CPNE8: variants seen among roughly 807,000 people sequenced by gnomAD.
The protein encoded by CPNE8 is copine-8.
CPNE8 carries 45 observed loss-of-function variants against 81.5 expected under a neutral mutation model. The observed-to-expected ratio is 0.55, with a 90% CI of 0.44 to 0.71. The LOEUF (loss-of-function observed/expected upper bound fraction) is 0.71, where lower values mean the gene tolerates loss of function less well. Ranked by LOEUF, CPNE8 falls within the 30% of genes least tolerant of loss-of-function variation. The pLI is 0.00. For synonymous variants in CPNE8, 252 were observed against 226.3 expected, an observed-to-expected ratio of 1.11 and a Z score of -1.02; for missense variants, 594 against 672.1, an observed-to-expected ratio of 0.88 and a Z score of 1.28.
rs201967260 is a variant in CPNE8, at chr12:38,685,453, T to C, written c.1271+37A>G. 55 of 1,602,784 alleles carry C rather than the reference T, an allele frequency of 3.4e-5. No homozygotes were observed. The Admixed American group carries it at 6.1e-4, about 18-fold the overall frequency. On this transcript the variant is annotated intron_variant, in intron 16 of 19. Transcript: ENST00000331366. ...ATGTTATGAGTTCACCATGTTCCAG[T>C]ACATCAGAATAAGCACCTTGTCTAC...
chr12:38,775,946 T>G (rs898724592), intron 7 of CPNE8, among the ~76,000 whole-genome samples: 1 of 152,188 alleles, frequency 6.6e-6, no homozygotes, highest in African/African-American at 2.4e-5. Context: ...AACTGATTGG[T>G]ATAACTGACT....
chr12:38,813,428 A>G (rs1028308847), intron 6 of CPNE8, among the ~76,000 whole-genome samples: 30 of 152,210 alleles, frequency 2.0e-4, no homozygotes, highest in African/African-American at 6.8e-4. Context: ...CTAACCTAGA[A>G]AACTGTCTAG....
At chr12:38,905,902 G>T (rs1047670352), upstream of CPNE8, 6 of 985,304 alleles carry the variant, frequency 6.1e-6, no homozygotes, top group East Asian at 2.3e-4. Context: ...GGCACCAGAC[G>T]CAGACCCCTA....
chr12:38,735,513 C>T (rs4768328), intron 10 of CPNE8, among the ~76,000 whole-genome samples: 83,823 of 151,620 alleles, frequency 0.55, 23,722 homozygotes, highest in East Asian at 0.81. Flanking sequence ...TTAGCTCTCT[C>T]TGATTTTGCT....
At chr12:38,660,252 G>T (rs1591994212) in intron 19 of CPNE8, among the ~76,000 whole-genome samples, 1 of 152,136 alleles carries the variant, frequency 6.6e-6, no homozygotes, top group Admixed American at 6.6e-5. Context: ...GCATGGTACT[G>T]GTACCAAAAC....
intron 15 of CPNE8, among the ~76,000 whole-genome samples, chr12:38,690,744 T>A (rs1317657771): frequency 6.6e-6 from 1 of 152,160 alleles, no homozygotes; most frequent in Non-Finnish European, 1.5e-5. Flanking sequence ...GAGAGAAAAT[T>A]AATAAACCTC....
chr12:38,853,385 A>C (rs1943678668), intron 3 of CPNE8, among the ~76,000 whole-genome samples: 1 of 152,138 alleles, frequency 6.6e-6, no homozygotes, highest in Admixed American at 6.5e-5. Context: ...TCTCGTTCTG[A>C]ATATCAATAA....
At chr12:38,764,247 G>T (rs1941630683) in intron 8 of CPNE8, among the ~76,000 whole-genome samples, 1 of 152,136 alleles carries the variant, frequency 6.6e-6, no homozygotes, top group Non-Finnish European at 1.5e-5. Flanking sequence ...GAAAATCAAA[G>T]TGGATAGGGC....
intron 5 of CPNE8, among the ~76,000 whole-genome samples, chr12:38,836,331 A>T (rs1187139470): frequency 6.6e-6 from 1 of 152,166 alleles, no homozygotes; most frequent in Non-Finnish European, 1.5e-5. Flanking sequence ...TTCCACCACA[A>T]ATAGAATCAA....
chr12:38,871,468 T>C (rs371166621), intron 3 of CPNE8, among the ~76,000 whole-genome samples: 12 of 152,098 alleles, frequency 7.9e-5, no homozygotes, highest in African/African-American at 2.7e-4. Context: ...AAGGGAACTC[T>C]GGAGAGAATG....
At chr12:38,673,534 A>T (rs1019311983) in intron 18 of CPNE8, among the ~76,000 whole-genome samples, 1 of 152,046 alleles carries the variant, frequency 6.6e-6, no homozygotes, top group African/African-American at 2.4e-5. Context: ...AAAAAGGAAA[A>T]ATATTTTAGA....
chr12:38,879,676 A>G (rs1030090500), intron 1 of CPNE8, among the ~76,000 whole-genome samples: 1 of 152,150 alleles, frequency 6.6e-6, no homozygotes, highest in African/African-American at 2.4e-5. Flanking sequence ...AAAATCCTTT[A>G]AAAGGGAAAC....
intron 13 of CPNE8, chr12:38,721,012 AG>A (rs1162393781): frequency 1.3e-5 from 2 of 152,746 alleles, no homozygotes; most frequent in Non-Finnish European, 1.5e-5. Flanking sequence ...TCACAGGCTC[AG>A]AAGTGCCTAC....
In CPNE8 at chr12:38,762,176, G is replaced by C. The variant is rs772759275; in HGVS notation, c.616C>G (p.Leu206Val). The C allele has an allele frequency of 1.2e-6, 2 of 1,606,118 alleles. No homozygotes were observed. Among genetic ancestry groups the C allele is most frequent in the Non-Finnish European group, 1.7e-6 (2 of 1,175,916 alleles). ...TTGAATGCTTGCCATACTGGATTTAGAGTGTTTTTGACAACTTCTGTCTTG... is the reference window on the plus strand; with the variant it reads ...TTGAATGCTTGCCATACTGGATTTACAGTGTTTTTGACAACTTCTGTCTTG... ...CHKTEVVKNTLNPVWQAFKIS... is the reference protein window; with the variant it reads ...CHKTEVVKNTVNPVWQAFKIS... Residue 206 changes from leucine (L) to valine (V), a missense_variant, in exon 9 of 20, where the codon CTA becomes GTA. Coordinates refer to ENST00000331366, the MANE Select transcript of CPNE8 (RefSeq NM_153634.3).
intron 6 of CPNE8, among the ~76,000 whole-genome samples, chr12:38,820,234 A>C: frequency 6.6e-6 from 1 of 151,708 alleles, no homozygotes; most frequent in African/African-American, 2.4e-5. Context: ...GTGAAACCCC[A>C]TCTCTACTAA....
At chr12:38,838,923 T>C (rs924684799) in intron 5 of CPNE8, among the ~76,000 whole-genome samples, 2 of 152,096 alleles carry the variant, frequency 1.3e-5, no homozygotes, top group African/African-American at 4.8e-5. Context: ...CTTTTCCGAA[T>C]TATTACACTC....
At chr12:38,698,721 T>C (rs900638083) in intron 14 of CPNE8, among the ~76,000 whole-genome samples, 23 of 152,316 alleles carry the variant, frequency 1.5e-4, no homozygotes, top group African/African-American at 5.5e-4. Context: ...CAGGGTTTAC[T>C]TTTGCAAACT....
intron 10 of CPNE8, among the ~76,000 whole-genome samples, chr12:38,755,533 A>T (rs568098345): frequency 3.9e-5 from 6 of 152,288 alleles, no homozygotes; most frequent in African/African-American, 1.4e-4. Context: ...GCAGTTTCTC[A>T]GCACTTTAGC....
At chr12:38,814,309 C>CTTTTTTTT (rs61444154) in intron 6 of CPNE8, among the ~76,000 whole-genome samples, 1 of 49,170 alleles carries the variant, frequency 2.0e-5, no homozygotes, top group African/African-American at 8.2e-5. Context: ...CCAGACCTGG[C>CTTTTTTTT]TTTTTTTTTT....
Sources: allele counts gnomAD v4.1 joint callset (sites outside exome capture counted in the v4.1 genomes callset), GRCh38; gene constraint gnomAD v4.1.1; transcripts MANE v1.5; gene names NCBI Gene and HGNC (gene_info 2026-07-23, HGNC 2026-07-21).